Variants in NME8 observed in about 807,000 individuals in gnomAD.
NME8 encodes NME/NM23 family member 8, also known as protein NME8.
In NME8, 72 loss-of-function variants were observed where a neutral mutation model predicts 82.3. The observed-to-expected ratio is 0.87, with a 90% confidence interval of 0.72 to 1.06. The LOEUF is 1.06. Ranked by LOEUF, NME8 falls within the 50% of genes least tolerant of loss-of-function variation. The pLI, the probability that NME8 is intolerant of heterozygous loss-of-function variation, is 0.00. For synonymous variants in NME8, 267 were observed against 228.5 expected, an observed-to-expected ratio of 1.17 and a Z score of -1.52; for missense variants, 712 against 685.4, an observed-to-expected ratio of 1.04 and a Z score of -0.43.
intron 14 of NME8, among the ~76,000 whole-genome samples, chr7:37,885,726 C>G (rs1244511478): frequency 1.3e-5 from 2 of 152,082 alleles, no homozygotes; most frequent in Non-Finnish European, 2.9e-5. Context: ...CAACTTGACC[C>G]CTGGCATATT....
chr7:37,887,906 CT>C (rs1785068481), intron 14 of NME8, among the ~76,000 whole-genome samples: 1 of 152,130 alleles, frequency 6.6e-6, no homozygotes, highest in African/African-American at 2.4e-5. Flanking sequence ...ATGGGAGAAA[CT>C]GCCCCCATGA....
chr7:37,863,136 A>T (rs540208871), intron 7 of NME8, among the ~76,000 whole-genome samples: 1 of 152,260 alleles, frequency 6.6e-6, no homozygotes, highest in Non-Finnish European at 1.5e-5. Context: ...AATTTAAAAA[A>T]AATTTAAAAA....
chr7:37,894,065 C>T (rs3807185), intron 15 of NME8, among the ~76,000 whole-genome samples: 3,515 of 152,186 alleles, frequency 0.023, 79 homozygotes, highest in East Asian at 0.084. Flanking sequence ...TTAATTCCCT[C>T]GATGGTACTC....
chr7:37,875,291 A>C (rs1784829800), intron 11 of NME8, among the ~76,000 whole-genome samples: 1 of 152,178 alleles, frequency 6.6e-6, no homozygotes, highest in African/African-American at 2.4e-5. Flanking sequence ...GTGAAAATTG[A>C]ATACGGACTG....
At chr7:37,894,011 C>G (rs1054759236) in intron 15 of NME8, among the ~76,000 whole-genome samples, 2 of 152,146 alleles carry the variant, frequency 1.3e-5, no homozygotes, top group African/African-American at 2.4e-5. Flanking sequence ...ATGTAGCCCT[C>G]AAAACTTAGG....
In NME8 at chr7:37,870,052, G is replaced by A. The variant is rs139296316; in HGVS notation, c.818+2154G>A. Among the ~76,000 whole-genome samples, 331 of 152,114 alleles carry A rather than the reference G, an allele frequency of 2.2e-3. 1 individual carries two copies. Among genetic ancestry groups the A allele is most frequent in the African/African-American group, 7.8e-3 (322 of 41,452 alleles). On this transcript the variant is annotated intron_variant, in intron 11 of 17. Coordinates refer to ENST00000199447, the MANE Select transcript of NME8 (RefSeq NM_016616.5). Reference sequence around the variant, plus strand: ...TGTACAAGTTAATTTCTGTGCGTTGGTCCATTCATTCTCCCTCGTCATCCT... The same window carrying A: ...TGTACAAGTTAATTTCTGTGCGTTGATCCATTCATTCTCCCTCGTCATCCT...
intron 11 of NME8, among the ~76,000 whole-genome samples, chr7:37,872,929 CTG>C (rs998150121): frequency 4.6e-5 from 7 of 152,214 alleles, no homozygotes; most frequent in African/African-American, 1.4e-4. Flanking sequence ...ACACTGCACA[CTG>C]TGTCCAGACA....
chr7:37,896,859 G>A lies in NME8; in HGVS notation c.1545-11G>A, dbSNP rs180830403. The A allele has an allele frequency of 1.3e-3, 2,097 of 1,611,862 alleles. 20 individuals carry two copies. The highest frequency in any genetic ancestry group is 2.7e-4 in the Non-Finnish European group (320 of 1,178,086). On this transcript the variant is annotated splice_polypyrimidine_tract_variant and intron_variant, in intron 16 of 17. Transcript: ENST00000199447. Reference sequence around the variant, plus strand: ...GTAGGCTGGGTCTTCTGAAAGCACCGTTCTTTGCAGGGGTCCATCTATGGT... The same window carrying A: ...GTAGGCTGGGTCTTCTGAAAGCACCATTCTTTGCAGGGGTCCATCTATGGT...
At chr7:37,881,709 A>C (rs886212270) in intron 12 of NME8, among the ~76,000 whole-genome samples, 6 of 152,210 alleles carry the variant, frequency 3.9e-5, no homozygotes, top group African/African-American at 1.4e-4. Context: ...TGAAAAAAAT[A>C]AATTGTTTCC....
chr7:37,854,385 G>A (rs1276801933), intron 5 of NME8, among the ~76,000 whole-genome samples: 1 of 152,092 alleles, frequency 6.6e-6, no homozygotes, highest in Non-Finnish European at 1.5e-5. Flanking sequence ...CTCAGGGGTG[G>A]CAGAAGCAGA....
chr7:37,882,484 CA>C (rs952028228), intron 12 of NME8, among the ~76,000 whole-genome samples: 1 of 132,966 alleles, frequency 7.5e-6, no homozygotes, highest in African/African-American at 2.8e-5. Context: ...GAGACCCTGT[CA>C]AAAAAAAGAA....
At chr7:37,881,917 A>C (rs1428882532) in intron 12 of NME8, among the ~76,000 whole-genome samples, 1 of 152,144 alleles carries the variant, frequency 6.6e-6, no homozygotes, top group Non-Finnish European at 1.5e-5. Context: ...GGAATGGGTC[A>C]ATTTATCTGA....
chr7:37,856,584 T>C (rs1013020029), intron 5 of NME8, among the ~76,000 whole-genome samples: 3 of 152,172 alleles, frequency 2.0e-5, no homozygotes, highest in Non-Finnish European at 4.4e-5. Context: ...ATGGATACTA[T>C]GTTAATATGG....
intron 15 of NME8, among the ~76,000 whole-genome samples, chr7:37,889,990 T>C (rs930774901): frequency 6.6e-6 from 1 of 152,012 alleles, no homozygotes; most frequent in African/African-American, 2.4e-5. Context: ...ATTTGGTACA[T>C]AGATATTTAA....
chr7:37,867,232 G>T (rs1270678803), intron 10 of NME8, among the ~76,000 whole-genome samples: 1 of 151,460 alleles, frequency 6.6e-6, no homozygotes, highest in Non-Finnish European at 1.5e-5. Flanking sequence ...CTGTTTTAGG[G>T]TAAAGATCTT....
chr7:37,864,319 A>G, intron 8 of NME8, 29 bp from the exon 9 acceptor site: 1 of 1,582,696 alleles, frequency 6.3e-7, no homozygotes, highest in South Asian at 1.1e-5. Flanking sequence ...AGAAAATGAA[A>G]TTCTGTCTTT....
intron 17 of NME8, among the ~76,000 whole-genome samples, chr7:37,899,147 C>T (rs1198523390): frequency 6.6e-6 from 1 of 152,090 alleles, no homozygotes; most frequent in African/African-American, 2.4e-5. Flanking sequence ...AGACCTGGAA[C>T]CAGAAATACC....
intron 12 of NME8, among the ~76,000 whole-genome samples, chr7:37,882,604 AGAGAG>A (rs745316366): frequency 1.0e-3 from 53 of 52,560 alleles, no homozygotes; most frequent in African/African-American, 2.0e-3. Flanking sequence ...AGAAAGAGAG[AGAGAG>A]AGAGAGAAAG....
Position 37,897,021 on chromosome 7 carries a change from C to T in NME8, c.1696C>T (p.His566Tyr). ...FGISKLKNIV[H>Y]GASNAYEAKE... is the part of the protein sequence containing the mutation. ...AATAAGTAAATTGAAAAACATTGTCCATGGAGCATCTAACGCCTATGAAGC... is the reference window on the plus strand; with the variant it reads ...AATAAGTAAATTGAAAAACATTGTCTATGGAGCATCTAACGCCTATGAAGC... The change falls in exon 17 of 18, where the codon CAT (histidine) becomes TAT (tyrosine). Residue 566 changes from histidine to tyrosine, a missense_variant. Transcript: ENST00000199447. 1 of 1,613,872 alleles carries T rather than the reference C, an allele frequency of 6.2e-7. No homozygotes were observed.
Sources: gnomAD v4.1 joint callset for allele counts (sites outside exome capture counted in the v4.1 genomes callset) on GRCh38, gnomAD v4.1.1 for gene constraint, MANE v1.5 for transcripts, NCBI Gene and HGNC (gene_info 2026-07-23, HGNC 2026-07-21) for gene names.